Variants in TMEM132C observed in about 807,000 individuals in gnomAD.
TMEM132C encodes transmembrane protein 132C.
In TMEM132C, 29 loss-of-function variants were observed where a neutral mutation model predicts 61.4. The ratio of observed to expected loss-of-function variants is 0.47; its 90% CI spans 0.35 to 0.64. The LOEUF (loss-of-function observed/expected upper bound fraction) is 0.64. Ranked by LOEUF, TMEM132C falls within the 30% of genes least tolerant of loss-of-function variation. The pLI is 0.00. For synonymous variants in TMEM132C, 656 were observed against 633.1 expected, an observed-to-expected ratio of 1.04 and a Z score of -0.54; for missense variants, 1,408 against 1,476.9, an observed-to-expected ratio of 0.95 and a Z score of 0.76.
chr12:128,531,206 A>G (rs1422298727), intron 2 of TMEM132C, among the ~76,000 whole-genome samples: 1 of 152,260 alleles, frequency 6.6e-6, no homozygotes, highest in African/African-American at 2.4e-5. Flanking sequence ...AGTAGCAACA[A>G]TGCTTAGGAA....
intron 3 of TMEM132C, among the ~76,000 whole-genome samples, chr12:128,567,044 A>G (rs1874726995): frequency 6.6e-6 from 1 of 152,184 alleles, no homozygotes; most frequent in Non-Finnish European, 1.5e-5. Flanking sequence ...GGAACAAAAT[A>G]CCAAAGGGAT....
At chr12:128,341,768 G>A (rs546738537) in intron 1 of TMEM132C, among the ~76,000 whole-genome samples, 1 of 152,292 alleles carries the variant, frequency 6.6e-6, no homozygotes, top group East Asian at 1.9e-4. Context: ...TGCAGATTCG[G>A]GGCCTCTCAT....
At chr12:128,578,714 C>T (rs539518151) in intron 3 of TMEM132C, among the ~76,000 whole-genome samples, 21 of 152,202 alleles carry the variant, frequency 1.4e-4, no homozygotes, top group African/African-American at 3.4e-4. Context: ...TCTCTTGCCT[C>T]GGACTCCCAA....
chr12:128,311,964 G>C (rs1014524940), intron 1 of TMEM132C, among the ~76,000 whole-genome samples: 6 of 152,246 alleles, frequency 3.9e-5, no homozygotes, highest in African/African-American at 1.4e-4. Context: ...TCATCAGGAT[G>C]CTGAGTGGCG....
chr12:128,366,145 C>T (rs1415207572), intron 1 of TMEM132C, among the ~76,000 whole-genome samples: 6 of 152,216 alleles, frequency 3.9e-5, no homozygotes, highest in African/African-American at 1.2e-4. Flanking sequence ...GCCTCCAGCC[C>T]AGGGCCGGGA....
At chr12:128,436,414 A>G (rs1869592014) in intron 2 of TMEM132C, among the ~76,000 whole-genome samples, 1 of 152,244 alleles carries the variant, frequency 6.6e-6, no homozygotes, top group Non-Finnish European at 1.5e-5. Flanking sequence ...ACAAAGGGCT[A>G]ATATCCAGAA....
chr12:128,309,263 G>A (rs2135925445), intron 1 of TMEM132C, among the ~76,000 whole-genome samples: 1 of 152,276 alleles, frequency 6.6e-6, no homozygotes, highest in East Asian at 1.9e-4. Flanking sequence ...TCTCTTCTTA[G>A]CTCTATGACA....
chr12:128,387,870 C>A (rs1234285239), intron 1 of TMEM132C, among the ~76,000 whole-genome samples: 7 of 152,172 alleles, frequency 4.6e-5, no homozygotes, highest in African/African-American at 1.7e-4. Context: ...TTTGTGCAGG[C>A]CAGCTGCCCG....
intron 4 of TMEM132C, among the ~76,000 whole-genome samples, chr12:128,666,216 C>A (rs11059817): frequency 4.0e-5 from 6 of 149,336 alleles, no homozygotes; most frequent in African/African-American, 1.2e-4. Flanking sequence ...TAAACAGGCA[C>A]CCACACACAC....
intron 2 of TMEM132C, among the ~76,000 whole-genome samples, chr12:128,440,037 G>C (rs922642850): frequency 6.6e-6 from 1 of 152,146 alleles, no homozygotes; most frequent in Non-Finnish European, 1.5e-5. Flanking sequence ...CTTTCTGTTT[G>C]GAGGTGTCAT....
chr12:128,626,336 A>T (rs1276601229), intron 4 of TMEM132C, among the ~76,000 whole-genome samples: 2 of 151,198 alleles, frequency 1.3e-5, no homozygotes, highest in Admixed American at 6.6e-5. Flanking sequence ...CACCATGTTG[A>T]CCAGGCTGGT....
chr12:128,691,981 C>T (rs1034107836), intron 5 of TMEM132C, among the ~76,000 whole-genome samples: 2 of 148,838 alleles, frequency 1.3e-5, no homozygotes, highest in African/African-American at 5.1e-5. Context: ...TCCACCCATC[C>T]ATTCATGTGT....
intron 4 of TMEM132C, among the ~76,000 whole-genome samples, chr12:128,622,341 C>A (rs1953970042): frequency 7.1e-5 from 1 of 14,006 alleles, no homozygotes; most frequent in Non-Finnish European, 1.8e-4. Context: ...GAGACTTTGT[C>A]TCAAAAAAAA....
intron 3 of TMEM132C, among the ~76,000 whole-genome samples, chr12:128,612,758 C>T (rs985484228): frequency 6.6e-6 from 1 of 152,208 alleles, no homozygotes; most frequent in Non-Finnish European, 1.5e-5. Context: ...GGGAGGTCAC[C>T]TCACTGCTCA....
At chr12:128,691,679 G>A (rs1159869149) in intron 5 of TMEM132C, among the ~76,000 whole-genome samples, 7 of 152,052 alleles carry the variant, frequency 4.6e-5, no homozygotes, top group Non-Finnish European at 1.0e-4. Flanking sequence ...ATCCATTCAT[G>A]TGTCTGTCCA....
chr12:128,287,521 ATATC>A (rs1481241540), intron 1 of TMEM132C, among the ~76,000 whole-genome samples: 1 of 139,968 alleles, frequency 7.1e-6, no homozygotes, highest in African/African-American at 2.5e-5. Flanking sequence ...ATCTATATCT[ATATC>A]TATCTGTGTG....
At chr12:128,677,376 T>G (rs1481191478) in intron 5 of TMEM132C, among the ~76,000 whole-genome samples, 1 of 152,090 alleles carries the variant, frequency 6.6e-6, no homozygotes, top group African/African-American at 2.4e-5. Context: ...GGAAGCAGCA[T>G]GCTAGTGATA....
At chr12:128,465,827 C>G (rs1350338613) in intron 2 of TMEM132C, among the ~76,000 whole-genome samples, 1 of 152,132 alleles carries the variant, frequency 6.6e-6, no homozygotes, top group African/African-American at 2.4e-5. Context: ...TCTGCGGCAC[C>G]GGGTGCTCAG....
chr12:128,533,665 G>A (rs1253391905), intron 2 of TMEM132C, among the ~76,000 whole-genome samples: 2 of 152,122 alleles, frequency 1.3e-5, no homozygotes, highest in South Asian at 2.1e-4. Flanking sequence ...CCAGACTAAT[G>A]ACCTCCATTT....
Sources: gnomAD v4.1 joint callset for allele counts (sites outside exome capture counted in the v4.1 genomes callset) on GRCh38, gnomAD v4.1.1 for gene constraint, MANE v1.5 for transcripts, NCBI Gene and HGNC (gene_info 2026-07-23, HGNC 2026-07-21) for gene names.